Variants in POLE observed in about 807,000 individuals in gnomAD.
POLE encodes DNA polymerase epsilon catalytic subunit A.
Under a neutral mutation model 279.2 loss-of-function variants are expected in POLE, and 188 were observed. The observed-to-expected ratio is 0.67, with a 90% CI of 0.60 to 0.76. POLE has a LOEUF of 0.76. Ranked by LOEUF, POLE falls within the 30% of genes least tolerant of loss-of-function variation. POLE has a pLI of 0.00. For missense variants in POLE, 2,703 were observed against 3,016.7 expected, an observed-to-expected ratio of 0.90 and a Z score of 2.44; for synonymous variants, 1,214 against 1,172.5, an observed-to-expected ratio of 1.04 and a Z score of -0.72.
At chr12:132,649,570 C>T (rs2042371727) in intron 30 of POLE, 55 bp from the exon 31 acceptor site, 1 of 1,599,680 alleles carries the variant, frequency 6.3e-7, no homozygotes. Flanking sequence ...GGAATGCCCG[C>T]CATGACTTTC....
At chr12:132,670,081 C>T (rs1474286085) in intron 16 of POLE, among the ~76,000 whole-genome samples, 1 of 152,038 alleles carries the variant, frequency 6.6e-6, no homozygotes, top group East Asian at 2.0e-4. Context: ...CTTTAAATAT[C>T]TGCTTCTAGG....
chr12:132,676,553 T>TA lies in POLE; in HGVS notation c.901_902insT (p.Asp301ValfsTer18). The stretch of plus-strand genomic sequence containing the variant: ...CAGAAGCCACCTGCTCACCTGGCCA[T>TA]CGATCATGTAGGAAATCATCATAAT... On this transcript the variant is annotated frameshift_variant, in exon 9 of 49. Coordinates refer to ENST00000320574, the MANE Select transcript of POLE (RefSeq NM_006231.4). LOFTEE classifies it high-confidence loss of function. The TA allele has an allele frequency of 6.2e-7, 1 of 1,610,368 alleles. No individual in the cohort carries two copies. The highest frequency in any genetic ancestry group is 8.5e-7 in the Non-Finnish European group (1 of 1,176,546).
Position 132,657,894 on chromosome 12 carries a change from A to C in POLE, c.3352T>G (p.Ser1118Ala), listed in dbSNP as rs1438842147. Reference protein sequence around the residue: ...HFLRKWLKSSSLQDFDIRAIL... With the variant: ...HFLRKWLKSSALQDFDIRAIL... ...GCTCGAATATCAAAGTCTTGAAGGG[A>C]AGAGCTCTTGAGCCATTTCCGGAGA... is the stretch of plus-strand genomic sequence containing the variant. The change falls in exon 27 of 49, where the codon TCC (serine) becomes GCC (alanine). Residue 1118 changes from serine to alanine, a missense_variant. Physicochemically the swap from Ser to Ala is moderately conservative, Grantham distance 99. Coordinates refer to ENST00000320574, the MANE Select transcript of POLE (RefSeq NM_006231.4). 1.2e-6 allele frequency: 2 copies of C among 1,613,818 alleles called. No individual in the cohort carries two copies.
chr12:132,649,674 T>C lies in POLE; in HGVS notation c.3795+3A>G. 3.1e-6 allele frequency: 5 copies of C among 1,613,698 alleles called. No individual in the cohort carries two copies. The highest frequency in any genetic ancestry group is 4.2e-6 in the Non-Finnish European group (5 of 1,179,938). ...CAGACAGTATCACAGCTGTGTGCCT[T>C]ACCTGGCTGGTTCCCAGGGCGGGAG... On this transcript the variant is annotated splice_donor_region_variant and intron_variant, in intron 30 of 48. Transcript: ENST00000320574.
chr12:132,652,083 C>G (rs1226681798), intron 29 of POLE, among the ~76,000 whole-genome samples: 2 of 152,138 alleles, frequency 1.3e-5, no homozygotes, highest in African/African-American at 4.8e-5. Context: ...GACTTCCTAT[C>G]AGGAAAGTTT....
chr12:132,637,388 C>T (rs998146189), intron 41 of POLE, among the ~76,000 whole-genome samples: 1 of 152,220 alleles, frequency 6.6e-6, no homozygotes, highest in Non-Finnish European at 1.5e-5. Flanking sequence ...CTGCATTCAT[C>T]CCCAGGGTGA....
In POLE at chr12:132,641,777, C is replaced by T. The variant is rs1593728023; in HGVS notation, c.5248G>A (p.Gly1750Arg). Residue 1750 changes from glycine to arginine, a missense_variant, in exon 39 of 49, where the codon GGG (glycine) becomes AGG (arginine). Physicochemically the swap from Gly to Arg is moderately radical, Grantham distance 125. Transcript: ENST00000320574. ...AAGCTGATCCCCATGCTGTCGGCCC[C>T]CTCCATGTCGTTGACATGGTGAGAC... ...LQSHHVNDME[G>R]ADSMGISFDV... 1 of 1,609,056 alleles carries T rather than the reference C, an allele frequency of 6.2e-7. No homozygotes were observed.
chr12:132,640,684 G>A (rs1012702522), intron 39 of POLE, among the ~76,000 whole-genome samples: 1 of 152,266 alleles, frequency 6.6e-6, no homozygotes, highest in Non-Finnish European at 1.5e-5. Flanking sequence ...GTCAAGAACA[G>A]AATGTTACAA....
Position 132,676,156 on chromosome 12 carries a change from A to G in POLE, c.958T>C (p.Phe320Leu), listed in dbSNP as rs1169959916. 6.2e-7 allele frequency: 1 copy of G among 1,613,030 alleles called. No individual in the cohort carries two copies. ...REIVSEDIED[F>L]EFTPKPEYEG... ...TATTCTGGCTTGGGGGTGAACTCAA[A>G]ATCTTCAATATCTTCTGAAACAATC... The change falls in exon 10 of 49, where the codon TTT becomes CTT. Residue 320 changes from phenylalanine (F) to leucine (L), a missense_variant. Coordinates refer to ENST00000320574, the MANE Select transcript of POLE (RefSeq NM_006231.4).
intron 45 of POLE, 64 bp downstream of exon 45, chr12:132,632,251 T>C: frequency 7.5e-7 from 1 of 1,331,908 alleles, no homozygotes; most frequent in Non-Finnish European, 1.1e-6. Context: ...TTGCACACAG[T>C]AACATTCTCG....
intron 40 of POLE, chr12:132,638,782 G>C: frequency 7.4e-6 from 2 of 269,278 alleles, no homozygotes; most frequent in Non-Finnish European, 7.2e-6. Context: ...GCTGGAGAGA[G>C]GCTAAATGTT....
At chr12:132,680,540 T>G in intron 3 of POLE, 67 bp downstream of exon 3, 1 of 1,282,032 alleles carries the variant, frequency 7.8e-7, no homozygotes, top group Non-Finnish European at 1.1e-6. Flanking sequence ...ATGCCCTCCC[T>G]GACAGTCACA....
At chr12:132,629,955 C>T (rs2041905023) in intron 45 of POLE, among the ~76,000 whole-genome samples, 1 of 152,166 alleles carries the variant, frequency 6.6e-6, no homozygotes, top group Non-Finnish European at 1.5e-5. Context: ...GGGCTATTAA[C>T]TTACCTAATT....
At chr12:132,677,173 T>C (rs1009206942) in intron 8 of POLE, among the ~76,000 whole-genome samples, 190 bp downstream of exon 8, 1 of 152,224 alleles carries the variant, frequency 6.6e-6, no homozygotes, top group Non-Finnish European at 1.5e-5. Context: ...CATACAGTGA[T>C]ATACAACAAA....
rs753890723 is a variant in POLE, at chr12:132,672,267, G to C, written c.1742C>G (p.Ala581Gly). The C allele has an allele frequency of 6.2e-7, 1 of 1,614,178 alleles. No individual in the cohort carries two copies. Among genetic ancestry groups the C allele is most frequent in the Non-Finnish European group, 8.5e-7 (1 of 1,180,024 alleles). ...AGGCACTTTCTCCTCTTCCTCAAGGGCGTGGCGCAAGGTCTTCTCAACCCG... is the reference window on the plus strand; with the variant it reads ...AGGCACTTTCTCCTCTTCCTCAAGGCCGTGGCGCAAGGTCTTCTCAACCCG... ...LQRVEKTLRH[A>G]LEEEEKVPVE... The change falls in exon 16 of 49, where the codon GCC becomes GGC. Residue 581 changes from alanine (A) to glycine (G), a missense_variant. Physicochemically the swap from Ala to Gly is moderately conservative, Grantham distance 60 (BLOSUM62 0). Around this residue, in one of 5 missense-constraint regions of POLE, gnomAD observed 1,011 missense variants for 1,111.7 expected, o/e 0.91. Coordinates refer to ENST00000320574, the MANE Select transcript of POLE (RefSeq NM_006231.4).
intron 45 of POLE, among the ~76,000 whole-genome samples, chr12:132,630,048 G>A (rs866457327): frequency 6.6e-6 from 1 of 152,188 alleles, no homozygotes; most frequent in African/African-American, 2.4e-5. Context: ...GGAGCAATCA[G>A]GACACACACA....
At chr12:132,677,291 C>T in intron 8 of POLE, 72 bp downstream of exon 8, 2 of 1,048,566 alleles carry the variant, frequency 1.9e-6, no homozygotes, top group Non-Finnish European at 3.0e-6. Flanking sequence ...CAGATTCACT[C>T]TCCAGCACTG....
In POLE at chr12:132,643,883, T is replaced by C. The variant is rs748378612; in HGVS notation, c.4244A>G (p.Asn1415Ser). The change falls in exon 33 of 49, where the codon AAC becomes AGC. Residue 1415 changes from asparagine (N) to serine (S), a missense_variant. By Grantham distance (46) the Asn-to-Ser change is conservative. Coordinates refer to ENST00000320574, the MANE Select transcript of POLE (RefSeq NM_006231.4). ...GATGTCTGGCGCTGACAGCTCAGCGTTGATCTCGTTGATGTGTTCCTGGTA... is the reference window on the plus strand; with the variant it reads ...GATGTCTGGCGCTGACAGCTCAGCGCTGATCTCGTTGATGTGTTCCTGGTA... ...DMYQEHINEINAELSAPDIEG... is the reference protein window; with the variant it reads ...DMYQEHINEISAELSAPDIEG... 2.5e-6 allele frequency: 4 copies of C among 1,614,182 alleles called. No homozygotes were observed. Among genetic ancestry groups the C allele is most frequent in the South Asian group, 1.1e-5 (1 of 91,084 alleles).
In POLE at chr12:132,668,445, A is replaced by C. The variant is rs754857680; in HGVS notation, c.2084T>G (p.Phe695Cys). 6.2e-7 allele frequency: 1 copy of C among 1,611,280 alleles called. No homozygotes were observed. Among genetic ancestry groups the C allele is most frequent in the Non-Finnish European group, 8.5e-7 (1 of 1,178,600 alleles). Residue 695 changes from phenylalanine (F) to cysteine (C), a missense_variant, in exon 19 of 49, where the codon TTC becomes TGC. Physicochemically the swap from Phe to Cys is radical, Grantham distance 205. Coordinates refer to ENST00000320574, the MANE Select transcript of POLE (RefSeq NM_006231.4). This position sits in a 1 kb window ranked among gnomAD's most constrained non-coding sequence, Gnocchi z 4.0. ...RIQHQLESEK[F>C]PPLFPEGPAR... is the part of the protein sequence containing the mutation. ...TGGCCCCTCTGGGAACAAGGGGGGG[A>C]ACTTCTCTGACTCCAGCTGGTGCTG... is the stretch of plus-strand genomic sequence containing the variant.
Sources: allele counts gnomAD v4.1 joint callset (sites outside exome capture counted in the v4.1 genomes callset), GRCh38; gene constraint gnomAD v4.1.1; regional missense constraint gnomAD v4.1.1; non-coding constraint Gnocchi (gnomAD v3.1); transcripts MANE v1.5; gene names NCBI Gene and HGNC (gene_info 2026-07-23, HGNC 2026-07-21).